Variants in GTF3C1 observed in about 807,000 individuals in gnomAD.
GTF3C1 encodes general transcription factor IIIC subunit 1, also known as general transcription factor 3C polypeptide 1.
A neutral mutation model predicts 226.7 loss-of-function variants in GTF3C1; 57 were observed. That is an observed-to-expected ratio of 0.25 (90% CI 0.20 to 0.31). The LOEUF is 0.31. GTF3C1 is among the 10% of genes least tolerant of loss of function. The probability of loss-of-function intolerance (pLI) is 1.00; values close to 1 mark genes in which losing one functional copy is unlikely to be tolerated. For missense variants in GTF3C1, 2,217 were observed against 2,776.1 expected, an observed-to-expected ratio of 0.80 and a Z score of 4.53; for synonymous variants, 1,090 against 1,084.8, an observed-to-expected ratio of 1.00 and a Z score of -0.09.
chr16:27,461,618 T>A lies in GTF3C1; in HGVS notation c.6118-56A>T. 7.5e-7 allele frequency: 1 copy of A among 1,332,998 alleles called. No homozygotes were observed. Among genetic ancestry groups the A allele is most frequent in the Non-Finnish European group, 1.1e-6 (1 of 933,524 alleles). 82.6% of individuals were successfully genotyped at this position (1,332,998 alleles called of 1,614,324 possible). On this transcript the variant is annotated intron_variant, in intron 36 of 36. Transcript: ENST00000356183. This position sits in a 1 kb window ranked among gnomAD's most constrained non-coding sequence, Gnocchi z 5.3. ...GCACTGCCCTCGCCTGCTTGTTGAT[T>A]TATTCTTCAAGCATTTATGGAATGC...
chr16:27,461,807 A>T lies in GTF3C1; in HGVS notation c.6118-245T>A. Reference sequence around the variant, plus strand: ...GGCTGGAGCCACCACGCTGAATCTCATTTGTGGAGGAGAGGCCTGCAGCGC... The same window carrying T: ...GGCTGGAGCCACCACGCTGAATCTCTTTTGTGGAGGAGAGGCCTGCAGCGC... On this transcript the variant is annotated intron_variant, in intron 36 of 36. Coordinates refer to ENST00000356183, the MANE Select transcript of GTF3C1 (RefSeq NM_001520.4). The surrounding 1 kb of genome is among the most constrained non-coding windows in gnomAD (Gnocchi z 5.3). 1.9e-6 allele frequency: 1 copy of T among 534,370 alleles called. No individual in the cohort carries two copies. The highest frequency in any genetic ancestry group is 2.6e-5 in the South Asian group (1 of 38,818). The allele number at this position is 534,370 out of a possible 1,614,324, so 33.1% of individuals were successfully genotyped here.
chr16:27,535,356 T>C (rs1286004540), intron 4 of GTF3C1, among the ~76,000 whole-genome samples: 1 of 152,154 alleles, frequency 6.6e-6, no homozygotes, highest in Non-Finnish European at 1.5e-5. Context: ...GCGTATCACC[T>C]GAGGTCAGGA....
At chr16:27,502,043 C>T (rs985850135) in intron 11 of GTF3C1, among the ~76,000 whole-genome samples, 3 of 150,878 alleles carry the variant, frequency 2.0e-5, no homozygotes, top group South Asian at 4.2e-4. Flanking sequence ...TGCAGTGAGC[C>T]GAGATTGCAT....
At chr16:27,546,823 G>C (rs2089171405) in intron 1 of GTF3C1, among the ~76,000 whole-genome samples, 1 of 151,916 alleles carries the variant, frequency 6.6e-6, no homozygotes. Flanking sequence ...CTGGAGTGCA[G>C]TGGCGCAATC....
At chr16:27,547,679 T>C (rs566734151) in intron 1 of GTF3C1, among the ~76,000 whole-genome samples, 1 of 152,310 alleles carries the variant, frequency 6.6e-6, no homozygotes, top group Admixed American at 6.5e-5. Flanking sequence ...AAGCTTTTTT[T>C]TTGAGATGGA....
At chr16:27,489,556 C>A in intron 20 of GTF3C1, 46 bp downstream of exon 20, 1 of 1,489,996 alleles carries the variant, frequency 6.7e-7, no homozygotes, top group East Asian at 2.3e-5. Flanking sequence ...AAATGAGCAC[C>A]ACCGCAGCCC....
chr16:27,484,690 T>C (rs1028176750), intron 24 of GTF3C1, among the ~76,000 whole-genome samples: 2 of 152,226 alleles, frequency 1.3e-5, no homozygotes, highest in African/African-American at 4.8e-5. Flanking sequence ...GTGTGTTTAG[T>C]TAGAGGTCTT....
At chr16:27,488,998 T>C in intron 21 of GTF3C1, 45 bp downstream of exon 21, 1 of 1,580,958 alleles carries the variant, frequency 6.3e-7, no homozygotes, top group East Asian at 2.2e-5. Context: ...GGAGGGTGAG[T>C]AGCGAGGACC....
At position 27,495,319 on chromosome 16, in the gene GTF3C1, G is replaced by T. The variant is rs761543650; in HGVS notation, c.2524C>A (p.Arg842=). 2 of 1,613,810 alleles carry T rather than the reference G, an allele frequency of 1.2e-6. No individual in the cohort carries two copies. The highest frequency in any genetic ancestry group is 1.3e-5 in the African/African-American group (1 of 75,032). Residue 842 remains arginine, a synonymous_variant, in exon 15 of 37, where the codon CGG becomes AGG. Coordinates refer to ENST00000356183, the MANE Select transcript of GTF3C1 (RefSeq NM_001520.4). ...IKQESGRAGV[R]PSSSGSAWEA... ...CAGGCACTTCCAGAGGAGGACGGCC[G>T]GACGCCTGCCCTGCCTGACTCCTGC...
At chr16:27,478,909 T>A (rs1240667737) in intron 27 of GTF3C1, among the ~76,000 whole-genome samples, 3 of 145,948 alleles carry the variant, frequency 2.1e-5, no homozygotes, top group Admixed American at 2.0e-4. Flanking sequence ...TCTAAAAAAA[T>A]TATTCTCATA....
chr16:27,462,234 C>A lies in GTF3C1; in HGVS notation c.6117+60G>T, dbSNP rs893179524. Reference sequence around the variant, plus strand: ...TTGCCTGGGGCCTGAACATCACAGCCGGGCCACTGAGTGCACCCAGCCGCC... The same window carrying A: ...TTGCCTGGGGCCTGAACATCACAGCAGGGCCACTGAGTGCACCCAGCCGCC... On this transcript the variant is annotated intron_variant, in intron 36 of 36. Transcript: ENST00000356183. The surrounding 1 kb of genome is among the most constrained non-coding windows in gnomAD (Gnocchi z 4.5). The A allele has an allele frequency of 1.2e-5, 15 of 1,221,198 alleles. No homozygotes were observed. Among genetic ancestry groups the A allele is most frequent in the Non-Finnish European group, 1.7e-5 (15 of 867,712 alleles). The allele number at this position is 1,221,198 out of a possible 1,614,324, so 75.6% of individuals were successfully genotyped here.
Position 27,545,352 on chromosome 16 carries a change from G to A in GTF3C1, c.393C>T (p.Ser131=). The part of the protein sequence containing the change: ...KNITNDIRTK[S]LQPRCTMVEA... ...CCACCATTGTACAGCGAGGCTGCAA[G>A]GACTTGGTTCTGATGTCATTGGTAA... The change falls in exon 2 of 37, where the codon TCC becomes TCT. Residue 131 remains serine (S), a synonymous_variant. Transcript: ENST00000356183. 1.2e-6 allele frequency: 2 copies of A among 1,613,964 alleles called. No individual in the cohort carries two copies. Among genetic ancestry groups the A allele is most frequent in the Non-Finnish European group, 8.5e-7 (1 of 1,179,820 alleles).
intron 6 of GTF3C1, among the ~76,000 whole-genome samples, chr16:27,513,136 C>T (rs1310973490): frequency 6.6e-6 from 1 of 152,140 alleles, no homozygotes; most frequent in African/African-American, 2.4e-5. Flanking sequence ...CCTCGATTAT[C>T]TGGGTGGGCT....
rs1042407438 is a variant in GTF3C1 at position 27,469,714 on chromosome 16, T to A, written c.4815-164A>T. Among the ~76,000 whole-genome samples, 1 of 151,988 alleles carries A rather than the reference T, an allele frequency of 6.6e-6. No homozygotes were observed. The highest frequency in any genetic ancestry group is 1.5e-5 in the Non-Finnish European group (1 of 67,964). Reference sequence around the variant, plus strand: ...GGTGTGGATGGCTGCCCCAGATCCATCCCCTTTCCCACCTTCCCGTGCACC... The same window carrying A: ...GGTGTGGATGGCTGCCCCAGATCCAACCCCTTTCCCACCTTCCCGTGCACC... On this transcript the variant is annotated intron_variant, in intron 31 of 36. Coordinates refer to ENST00000356183, the MANE Select transcript of GTF3C1 (RefSeq NM_001520.4). The surrounding 1 kb of genome is among the most constrained non-coding windows in gnomAD (Gnocchi z 4.5).
intron 2 of GTF3C1, among the ~76,000 whole-genome samples, chr16:27,540,876 T>G (rs953118972): frequency 6.6e-6 from 1 of 152,132 alleles, no homozygotes; most frequent in Non-Finnish European, 1.5e-5. Flanking sequence ...CAAAGTTTCC[T>G]GTTGCCCAGG....
At chr16:27,483,193 G>A in intron 25 of GTF3C1, 68 bp from the exon 26 acceptor site, 2 of 1,461,612 alleles carry the variant, frequency 1.4e-6, no homozygotes, top group Non-Finnish European at 1.9e-6. Context: ...AACCTTCAGA[G>A]AGCTCCATTC....
chr16:27,494,747 C>T lies in GTF3C1; in HGVS notation c.2778+16G>A. 1 of 1,601,114 alleles carries T rather than the reference C, an allele frequency of 6.2e-7. No homozygotes were observed. Among genetic ancestry groups the T allele is most frequent in the Non-Finnish European group, 8.6e-7 (1 of 1,168,084 alleles). On this transcript the variant is annotated intron_variant, in intron 16 of 36. Coordinates refer to ENST00000356183, the MANE Select transcript of GTF3C1 (RefSeq NM_001520.4). Reference sequence around the variant, plus strand: ...TGAGGGGCAATTCCTGTGATAATGGCTCCTGTCACCAATACCTTGTAGCTG... The same window carrying T: ...TGAGGGGCAATTCCTGTGATAATGGTTCCTGTCACCAATACCTTGTAGCTG...
chr16:27,545,252 C>T (rs1380068931), intron 2 of GTF3C1, 62 bp downstream of exon 2: 4 of 1,177,840 alleles, frequency 3.4e-6, no homozygotes, highest in South Asian at 2.4e-5. Context: ...GCTGGGATTA[C>T]AGGCGTGAGC....
intron 3 of GTF3C1, 74 bp from the exon 4 acceptor site, chr16:27,538,001 A>G (rs912342035): frequency 6.6e-7 from 1 of 1,504,426 alleles, no homozygotes; most frequent in East Asian, 2.3e-5. Context: ...TCACTTGGAC[A>G]TAAACACCAG....
Sources: allele counts gnomAD v4.1 joint callset (sites outside exome capture counted in the v4.1 genomes callset), GRCh38; gene constraint gnomAD v4.1.1; non-coding constraint Gnocchi (gnomAD v3.1); transcripts MANE v1.5; gene names NCBI Gene and HGNC (gene_info 2026-07-23, HGNC 2026-07-21).